Variants in LCORL observed in about 807,000 individuals in gnomAD.
The protein encoded by LCORL is ligand-dependent nuclear receptor corepressor-like protein.
A neutral mutation model predicts 141.8 loss-of-function variants in LCORL; 41 were observed. The ratio of observed to expected loss-of-function variants is 0.29; its 90% CI spans 0.23 to 0.38. The LOEUF (loss-of-function observed/expected upper bound fraction) is 0.38, where lower values mean the gene tolerates loss of function less well. Among genes scored for constraint, LCORL ranks in the 10% least tolerant of loss-of-function variants. The probability of loss-of-function intolerance (pLI) is 1.00; values close to 1 mark genes in which losing one functional copy is unlikely to be tolerated. For synonymous variants in LCORL, 618 were observed against 694.1 expected, an observed-to-expected ratio of 0.89 and a Z score of 1.72; for missense variants, 1,759 against 2,035.0, an observed-to-expected ratio of 0.86 and a Z score of 2.61.
At chr4:17,894,743 T>C (rs1457689342) in intron 5 of LCORL, among the ~76,000 whole-genome samples, 1 of 152,086 alleles carries the variant, frequency 6.6e-6, no homozygotes, top group Non-Finnish European at 1.5e-5. Context: ...AAATAACATA[T>C]TACTAATTTT....
intron 4 of LCORL, among the ~76,000 whole-genome samples, chr4:17,956,981 G>C (rs1384177511): frequency 6.6e-6 from 1 of 151,906 alleles, no homozygotes; most frequent in Non-Finnish European, 1.5e-5. Flanking sequence ...ATGGTAGTCA[G>C]AAAAAGGGAT....
intron 4 of LCORL, among the ~76,000 whole-genome samples, chr4:17,914,620 C>T (rs1577404338): frequency 1.3e-5 from 2 of 152,282 alleles, no homozygotes; most frequent in African/African-American, 2.4e-5. Flanking sequence ...TCTTAAATCA[C>T]TTGCACAAGT....
chr4:17,864,911 T>G (rs913674905), intron 7 of LCORL, among the ~76,000 whole-genome samples: 3 of 152,326 alleles, frequency 2.0e-5, no homozygotes, highest in Non-Finnish European at 4.4e-5. Flanking sequence ...AAGAGGAGGT[T>G]AATTTCATAA....
intron 1 of LCORL, among the ~76,000 whole-genome samples, chr4:17,983,001 G>C (rs1314587399): frequency 1.3e-5 from 2 of 152,178 alleles, no homozygotes; most frequent in Non-Finnish European, 2.9e-5. Flanking sequence ...AGTTATCCCA[G>C]CACCATTTAT....
chr4:17,955,621 A>G (rs1323996231), intron 4 of LCORL, among the ~76,000 whole-genome samples: 1 of 152,136 alleles, frequency 6.6e-6, no homozygotes, highest in African/African-American at 2.4e-5. Flanking sequence ...TTGAGGAGAG[A>G]GAGAAAATAA....
At chr4:17,922,310 T>C (rs12108272) in intron 4 of LCORL, among the ~76,000 whole-genome samples, 11,338 of 152,206 alleles carry the variant, frequency 0.074, 961 homozygotes, top group African/African-American at 0.21. Flanking sequence ...ACTCTACTTC[T>C]AAAAGTATGG....
At chr4:17,913,717 A>G (rs1732932237) in intron 4 of LCORL, among the ~76,000 whole-genome samples, 1 of 152,226 alleles carries the variant, frequency 6.6e-6, no homozygotes. Context: ...ATGGGAAATC[A>G]TCAGGCGTCC....
chr4:17,918,783 T>A (rs1249985803), intron 4 of LCORL, among the ~76,000 whole-genome samples: 1 of 151,682 alleles, frequency 6.6e-6, no homozygotes, highest in Non-Finnish European at 1.5e-5. Context: ...GAGACAAAAG[T>A]AGAAAAAATA....
At chr4:17,996,255 T>G (rs1481155012) in intron 1 of LCORL, among the ~76,000 whole-genome samples, 2 of 152,106 alleles carry the variant, frequency 1.3e-5, no homozygotes, top group Non-Finnish European at 1.5e-5. Flanking sequence ...ATACTAGAAT[T>G]TTTATATTTA....
chr4:17,948,138 A>C (rs982083068), intron 4 of LCORL, among the ~76,000 whole-genome samples: 2 of 152,024 alleles, frequency 1.3e-5, no homozygotes, highest in African/African-American at 4.8e-5. Context: ...AGTGAAGCCA[A>C]GAAAATATGA....
intron 7 of LCORL, among the ~76,000 whole-genome samples, chr4:17,869,860 C>A (rs1445963697): frequency 6.6e-6 from 1 of 152,188 alleles, no homozygotes; most frequent in East Asian, 1.9e-4. Flanking sequence ...GTAGATCTTA[C>A]TATCCTCTAC....
At chr4:17,945,871 G>A (rs1256771299) in intron 4 of LCORL, among the ~76,000 whole-genome samples, 1 of 150,730 alleles carries the variant, frequency 6.6e-6, no homozygotes, top group Non-Finnish European at 1.5e-5. Flanking sequence ...TTACCTAACA[G>A]CCTGCTGTTT....
intron 1 of LCORL, among the ~76,000 whole-genome samples, chr4:18,020,240 T>G (rs1438920130): frequency 6.6e-6 from 1 of 152,070 alleles, no homozygotes; most frequent in African/African-American, 2.4e-5. Context: ...TCTTAAGACG[T>G]TAACCAAATA....
At chr4:17,949,083 T>C (rs1008451630) in intron 4 of LCORL, among the ~76,000 whole-genome samples, 7 of 152,096 alleles carry the variant, frequency 4.6e-5, no homozygotes, top group African/African-American at 1.7e-4. Context: ...TTCCAGGATT[T>C]AGCTAGCAGG....
intron 1 of LCORL, among the ~76,000 whole-genome samples, chr4:17,992,022 T>A (rs1326771665): frequency 6.6e-6 from 1 of 152,184 alleles, no homozygotes; most frequent in Non-Finnish European, 1.5e-5. Context: ...AATCATACTA[T>A]AAACTTCAGA....
chr4:17,912,945 C>A, intron 4 of LCORL: 1 of 462,796 alleles, frequency 2.2e-6, no homozygotes, highest in Admixed American at 2.2e-5. Context: ...AAGTGGTGCC[C>A]GAGACCAGTG....
chr4:17,943,623 G>A (rs1477172222), intron 4 of LCORL, among the ~76,000 whole-genome samples: 1 of 152,150 alleles, frequency 6.6e-6, no homozygotes, highest in African/African-American at 2.4e-5. Context: ...GATATGCGCT[G>A]CAAAGAATAA....
Position 17,978,621 on chromosome 4 carries a change from T to G in LCORL, c.155-5736A>C, listed in dbSNP as rs1196662569. The stretch of plus-strand genomic sequence containing the variant: ...GTTTAGCTTTCTTGGCTTCAATGAC[T>G]GCTTTCACTTTGGGTGGTGGGAACT... On this transcript the variant is annotated intron_variant, in intron 1 of 7. Transcript: ENST00000635767. Among the ~76,000 whole-genome samples, 8 of 151,434 alleles carry G rather than the reference T, an allele frequency of 5.3e-5. No individual in the cohort carries two copies. The South Asian group carries it at 1.0e-3, about 20-fold the overall frequency.
intron 5 of LCORL, among the ~76,000 whole-genome samples, chr4:17,900,657 A>C (rs546978473): frequency 6.6e-6 from 1 of 152,324 alleles, no homozygotes; most frequent in Non-Finnish European, 1.5e-5. Flanking sequence ...AACTCAAGAC[A>C]CAGGTTAAAT....
Sources: gnomAD v4.1 joint callset for allele counts (sites outside exome capture counted in the v4.1 genomes callset) on GRCh38, gnomAD v4.1.1 for gene constraint, MANE v1.5 for transcripts, NCBI Gene and HGNC (gene_info 2026-07-23, HGNC 2026-07-21) for gene names.